Variants in LRRTM4 observed in about 807,000 individuals in gnomAD.
LRRTM4 encodes the protein leucine-rich repeat transmembrane neuronal protein 4.
Under a neutral mutation model 47.6 loss-of-function variants are expected in LRRTM4, and 25 were observed. The ratio of observed to expected loss-of-function variants is 0.53; its 90% confidence interval spans 0.38 to 0.73. The LOEUF (loss-of-function observed/expected upper bound fraction) is 0.73. LRRTM4 is among the 30% of genes least tolerant of loss of function. LRRTM4 has a pLI of 0.00. For synonymous variants in LRRTM4, 311 were observed against 269.5 expected (o/e 1.15, Z -1.51); for missense variants, 638 against 713.4 (o/e 0.89, Z 1.20).
intron 3 of LRRTM4, among the ~76,000 whole-genome samples, chr2:77,287,351 G>A (rs897907208): frequency 6.6e-6 from 1 of 151,824 alleles, no homozygotes; most frequent in African/African-American, 2.4e-5. Flanking sequence ...TATTACAAAT[G>A]GAGAGCTCCT....
chr2:77,304,087 G>T (rs951658005), intron 3 of LRRTM4, among the ~76,000 whole-genome samples: 38 of 152,066 alleles, frequency 2.5e-4, no homozygotes, highest in Non-Finnish European at 2.1e-4. Flanking sequence ...GTGTGCAAGG[G>T]TTCCTTTTTC....
At chr2:77,300,518 T>A (rs1204779464) in intron 3 of LRRTM4, among the ~76,000 whole-genome samples, 1 of 152,154 alleles carries the variant, frequency 6.6e-6, no homozygotes, top group East Asian at 1.9e-4. Context: ...ATATAGAGTT[T>A]ATAATAAATA....
chr2:77,362,118 A>AG (rs1392522022), intron 3 of LRRTM4, among the ~76,000 whole-genome samples: 39 of 97,322 alleles, frequency 4.0e-4, no homozygotes, highest in African/African-American at 1.1e-3. Flanking sequence ...AGAAAGAGAG[A>AG]AAGAAAGAAA....
chr2:76,975,632 T>C (rs151004647), intron 3 of LRRTM4, among the ~76,000 whole-genome samples: 2 of 151,780 alleles, frequency 1.3e-5, no homozygotes, highest in East Asian at 1.9e-4. Context: ...AAGATGGTCA[T>C]GAAGCCAAGG....
intron 3 of LRRTM4, among the ~76,000 whole-genome samples, chr2:77,423,915 A>T (rs988838296): frequency 6.6e-6 from 1 of 152,320 alleles, no homozygotes; most frequent in South Asian, 2.1e-4. Flanking sequence ...AATCAGTCAC[A>T]TTCCACTTAA....
At chr2:76,967,088 TG>T (rs1676051481) in intron 3 of LRRTM4, among the ~76,000 whole-genome samples, 1 of 151,564 alleles carries the variant, frequency 6.6e-6, no homozygotes. Flanking sequence ...ACATGTTTAC[TG>T]TCTTGTAGCT....
chr2:77,356,749 A>G (rs1327396399), intron 3 of LRRTM4, among the ~76,000 whole-genome samples: 5 of 152,168 alleles, frequency 3.3e-5, no homozygotes, highest in African/African-American at 9.7e-5. Flanking sequence ...AAAACCTGAA[A>G]TCCAGTCCAA....
intron 3 of LRRTM4, among the ~76,000 whole-genome samples, chr2:77,219,277 C>A (rs1674550035): frequency 6.6e-6 from 1 of 152,114 alleles, no homozygotes; most frequent in Non-Finnish European, 1.5e-5. Flanking sequence ...ACAACTTTTG[C>A]ACCATCTGGT....
At chr2:76,844,301 A>T (rs1671775718) in intron 3 of LRRTM4, among the ~76,000 whole-genome samples, 1 of 151,396 alleles carries the variant, frequency 6.6e-6, no homozygotes, top group Admixed American at 6.6e-5. Flanking sequence ...CGCCCGGCTA[A>T]TTTTTTTGTA....
intron 3 of LRRTM4, among the ~76,000 whole-genome samples, chr2:76,929,661 T>C (rs1674702851): frequency 6.6e-6 from 1 of 152,136 alleles, no homozygotes; most frequent in Non-Finnish European, 1.5e-5. Context: ...AAGTCCAGCA[T>C]AATTCCCCAG....
intron 3 of LRRTM4, among the ~76,000 whole-genome samples, chr2:76,850,388 A>T (rs1007585250): frequency 6.6e-6 from 1 of 152,190 alleles, no homozygotes; most frequent in Non-Finnish European, 1.5e-5. Context: ...GGAACACTGC[A>T]TTAGAACTGT....
At position 76,788,840 on chromosome 2, in the gene LRRTM4, A is replaced by C. The variant is rs191817117; in HGVS notation, c.1552-39924T>G. 6.6e-5 allele frequency among the ~76,000 whole-genome samples: 10 copies of C among 150,866 alleles called. No homozygotes were observed. In the East Asian group the frequency reaches 2.1e-3, roughly 31 times the overall value. On this transcript the variant is annotated intron_variant, in intron 3 of 3. Coordinates refer to ENST00000409884, the MANE Select transcript of LRRTM4 (RefSeq NM_001134745.3). ...AAGTTTTTATATTAAAATCTGTGAT[A>C]ATAATGATAAATGTTTTTGTGTCTA...
chr2:77,160,121 C>T (rs1282754373), intron 3 of LRRTM4, among the ~76,000 whole-genome samples: 1 of 152,122 alleles, frequency 6.6e-6, no homozygotes, highest in Admixed American at 6.5e-5. Context: ...TTGCCATGTC[C>T]ACAGTCTCTT....
chr2:77,411,916 C>A (rs1674457601), intron 3 of LRRTM4, among the ~76,000 whole-genome samples: 1 of 152,098 alleles, frequency 6.6e-6, no homozygotes, highest in Admixed American at 6.5e-5. Flanking sequence ...ACTTGAACTA[C>A]TGTCAGTGAG....
chr2:76,916,041 G>T (rs1269567820), intron 3 of LRRTM4, among the ~76,000 whole-genome samples: 1 of 151,856 alleles, frequency 6.6e-6, no homozygotes, highest in Non-Finnish European at 1.5e-5. Flanking sequence ...AATAATCAGA[G>T]ATTAAGAATA....
intron 3 of LRRTM4, among the ~76,000 whole-genome samples, chr2:77,162,763 A>C (rs1429568411): frequency 6.6e-6 from 1 of 152,178 alleles, no homozygotes; most frequent in Non-Finnish European, 1.5e-5. Flanking sequence ...GAGGGTCCTG[A>C]CTGTTAGAAG....
At chr2:76,795,064 G>C (rs1675200183) in intron 3 of LRRTM4, among the ~76,000 whole-genome samples, 1 of 151,700 alleles carries the variant, frequency 6.6e-6, no homozygotes. Context: ...GTAAGCTAAA[G>C]TAAAAATACC....
chr2:76,870,050 ATG>A (rs969441387), intron 3 of LRRTM4, among the ~76,000 whole-genome samples: 2 of 152,156 alleles, frequency 1.3e-5, no homozygotes, highest in African/African-American at 4.8e-5. Flanking sequence ...GCCAAAACAT[ATG>A]GATTAACAGT....
chr2:76,955,901 A>C (rs144556760), intron 3 of LRRTM4, among the ~76,000 whole-genome samples: 1 of 151,828 alleles, frequency 6.6e-6, no homozygotes, highest in Admixed American at 6.6e-5. Context: ...TTGTGATAGC[A>C]GCCCAAACTG....
Sources: allele counts gnomAD v4.1 joint callset (sites outside exome capture counted in the v4.1 genomes callset), GRCh38; gene constraint gnomAD v4.1.1; transcripts MANE v1.5; gene names NCBI Gene and HGNC (gene_info 2026-07-23, HGNC 2026-07-21).